The following SLC44A1 variants were observed in gnomAD, a reference collection of about 807,000 sequenced individuals.
The protein encoded by SLC44A1 is choline transporter-like protein 1.
SLC44A1 carries 26 observed loss-of-function variants against 79.3 expected under a neutral mutation model. The observed-to-expected ratio is 0.33, with a 90% CI of 0.24 to 0.46. The LOEUF (loss-of-function observed/expected upper bound fraction) is 0.46, where lower values mean the gene tolerates loss of function less well. Ranked by LOEUF, SLC44A1 falls within the 20% of genes least tolerant of loss-of-function variation. SLC44A1 has a pLI of 1.00. For synonymous variants in SLC44A1, 263 were observed against 286.2 expected (o/e 0.92, Z 0.82); for missense variants, 688 against 798.1 (o/e 0.86, Z 1.66).
intron 1 of SLC44A1, among the ~76,000 whole-genome samples, chr9:105,293,906 T>C (rs1368162451): frequency 1.3e-5 from 2 of 152,208 alleles, no homozygotes; most frequent in African/African-American, 4.8e-5. Context: ...TAAGACATAG[T>C]AGTACTATGA....
intron 1 of SLC44A1, among the ~76,000 whole-genome samples, chr9:105,261,027 A>T (rs1367195564): frequency 6.6e-6 from 1 of 152,228 alleles, no homozygotes; most frequent in South Asian, 2.1e-4. Flanking sequence ...ATTATGGTTA[A>T]AACAAATACA....
intron 15 of SLC44A1, among the ~76,000 whole-genome samples, chr9:105,434,151 A>C (rs191947385): frequency 3.3e-5 from 5 of 152,270 alleles, no homozygotes; most frequent in African/African-American, 9.6e-5. Context: ...CAGTTTAGCC[A>C]ACATTGTGAA....
Position 105,348,365 on chromosome 9 carries a change from C to A in SLC44A1, c.414C>A (p.Ala138=). 2 of 1,599,072 alleles carry A rather than the reference C, an allele frequency of 1.3e-6. No individual in the cohort carries two copies. The highest frequency in any genetic ancestry group is 1.7e-5 in the Admixed American group (1 of 59,716). The change falls in exon 5 of 16, where the codon GCC becomes GCA. Residue 138 remains alanine, a synonymous_variant. Coordinates refer to ENST00000374720, the MANE Select transcript of SLC44A1 (RefSeq NM_080546.5). ...VQKFAEINGS[A]LCSYNLKPSE... ...TAATTTTTCTTTCAACAGGTTCAGC[C>A]CTATGTAGCTACAACCTAAAGCCTT...
In SLC44A1 at chr9:105,391,300, C is replaced by A; in HGVS notation, c.*2244C>A. ...AATGCTTTCTAATTATCATTTGCAACTAGAACTGTAATCAGAAAGAAATTT... is the reference window on the plus strand; with the variant it reads ...AATGCTTTCTAATTATCATTTGCAAATAGAACTGTAATCAGAAAGAAATTT... On this transcript the variant is annotated 3_prime_UTR_variant, in exon 16 of 16. Transcript: ENST00000374720. 1.0e-6 allele frequency: 1 copy of A among 985,752 alleles called. No homozygotes were observed. The highest frequency in any genetic ancestry group is 5.2e-4 in the Middle Eastern group (1 of 1,914). 61.1% of individuals were successfully genotyped at this position (985,752 alleles called of 1,614,324 possible).
chr9:105,286,744 C>G (rs879608870), intron 1 of SLC44A1, among the ~76,000 whole-genome samples: 2 of 152,124 alleles, frequency 1.3e-5, no homozygotes, highest in Non-Finnish European at 2.9e-5. Flanking sequence ...AGGAGGATCA[C>G]TTAAGGCCAG....
chr9:105,287,994 G>A (rs1222175341), intron 1 of SLC44A1, among the ~76,000 whole-genome samples: 2 of 152,162 alleles, frequency 1.3e-5, no homozygotes, highest in East Asian at 1.9e-4. Flanking sequence ...TATATATAAT[G>A]TATGTTATTT....
intron 1 of SLC44A1, among the ~76,000 whole-genome samples, chr9:105,259,916 G>A (rs1468391663): frequency 6.6e-6 from 1 of 152,210 alleles, no homozygotes; most frequent in Non-Finnish European, 1.5e-5. Context: ...CCAAGACCAA[G>A]TGGAAACACT....
intron 11 of SLC44A1, among the ~76,000 whole-genome samples, 163 bp from the exon 12 acceptor site, chr9:105,366,183 T>C (rs2131420989): frequency 6.6e-6 from 1 of 152,348 alleles, no homozygotes; most frequent in Non-Finnish European, 1.5e-5. Context: ...TTATTAAAAA[T>C]AATTCAGTCA....
intron 3 of SLC44A1, among the ~76,000 whole-genome samples, chr9:105,333,423 G>T: frequency 6.6e-6 from 1 of 152,100 alleles, no homozygotes; most frequent in Non-Finnish European, 1.5e-5. Context: ...AGAGTTAAAT[G>T]AGTTAATACA....
intron 1 of SLC44A1, among the ~76,000 whole-genome samples, chr9:105,296,061 A>G (rs1407495922): frequency 7.9e-5 from 12 of 152,228 alleles, no homozygotes. Flanking sequence ...GGGAAGGTCC[A>G]CTTGGTAAAA....
chr9:105,362,061 TGCGCGC>T (rs563036956), intron 8 of SLC44A1, among the ~76,000 whole-genome samples: 8 of 152,012 alleles, frequency 5.3e-5, no homozygotes, highest in East Asian at 1.9e-4. Context: ...TGCGTGTGTG[TGCGCGC>T]GCGCGCGTGT....
At chr9:105,410,548 C>G (rs537446858) in intron 15 of SLC44A1, among the ~76,000 whole-genome samples, 1 of 152,244 alleles carries the variant, frequency 6.6e-6, no homozygotes, top group Non-Finnish European at 1.5e-5. Context: ...AATGACTATA[C>G]TCAAACAAAT....
chr9:105,311,636 A>G (rs1289743933), intron 3 of SLC44A1, among the ~76,000 whole-genome samples: 4 of 152,224 alleles, frequency 2.6e-5, no homozygotes, highest in Non-Finnish European at 5.9e-5. Flanking sequence ...TGTTTAGAAT[A>G]GTCAAGAGCC....
chr9:105,359,810 A>G (rs1827728054), intron 7 of SLC44A1, among the ~76,000 whole-genome samples: 1 of 152,080 alleles, frequency 6.6e-6, no homozygotes, highest in African/African-American at 2.4e-5. Flanking sequence ...TTTTTCACCA[A>G]TTTCTGGTAG....
intron 15 of SLC44A1, among the ~76,000 whole-genome samples, chr9:105,424,738 G>A (rs1829297469): frequency 6.6e-6 from 1 of 151,994 alleles, no homozygotes; most frequent in Non-Finnish European, 1.5e-5. Context: ...CTTGAGGTCG[G>A]GAGTTCAAGA....
chr9:105,257,918 C>T (rs1829749326), intron 1 of SLC44A1, among the ~76,000 whole-genome samples: 1 of 152,108 alleles, frequency 6.6e-6, no homozygotes, highest in African/African-American at 2.4e-5. Context: ...AATGGGCAGC[C>T]ATGGAGGAGT....
At chr9:105,387,734 G>T (rs12344130) in intron 15 of SLC44A1, among the ~76,000 whole-genome samples, 24,744 of 152,082 alleles carry the variant, frequency 0.16, 4,000 homozygotes, top group African/African-American at 0.42. Flanking sequence ...ACTAGGTAAT[G>T]TGGCCATGAG....
At chr9:105,368,457 T>C (rs955927740) in intron 12 of SLC44A1, among the ~76,000 whole-genome samples, 2 of 152,160 alleles carry the variant, frequency 1.3e-5, no homozygotes, top group Non-Finnish European at 2.9e-5. Context: ...AACACAACTC[T>C]GTAAGGCTAG....
intron 3 of SLC44A1, among the ~76,000 whole-genome samples, chr9:105,314,823 G>A (rs1008607345): frequency 1.3e-5 from 2 of 152,190 alleles, no homozygotes; most frequent in Non-Finnish European, 2.9e-5. Flanking sequence ...CAGAGTGTGA[G>A]TTTTACTTCT....
Sources: gnomAD v4.1 joint callset for allele counts (sites outside exome capture counted in the v4.1 genomes callset) on GRCh38, gnomAD v4.1.1 for gene constraint, MANE v1.5 for transcripts, NCBI Gene and HGNC (gene_info 2026-07-23, HGNC 2026-07-21) for gene names.